GPC5: variants seen among roughly 807,000 people sequenced by gnomAD.
GPC5 encodes the protein glypican-5.
In GPC5, 47 loss-of-function variants were observed where a neutral mutation model predicts 53.9. That is an observed-to-expected ratio of 0.87 (90% CI 0.69 to 1.11). The LOEUF (loss-of-function observed/expected upper bound fraction) is 1.11, where lower values mean the gene tolerates loss of function less well. GPC5 is among the 50% of genes most tolerant of loss of function. The pLI, the probability that GPC5 is intolerant of heterozygous loss-of-function variation, is 0.00. For missense variants in GPC5, 748 were observed against 713.1 expected (o/e 1.05, Z -0.56); for synonymous variants, 286 against 263.3 (o/e 1.09, Z -0.84).
chr13:92,784,447 G>T (rs1030968802), intron 7 of GPC5, among the ~76,000 whole-genome samples: 9 of 151,314 alleles, frequency 5.9e-5, no homozygotes, highest in African/African-American at 2.2e-4. Context: ...TCCAGATATT[G>T]CAAAAAGATG....
intron 6 of GPC5, among the ~76,000 whole-genome samples, chr13:92,132,496 C>T (rs1206273543): frequency 6.6e-6 from 1 of 152,078 alleles, no homozygotes; most frequent in Non-Finnish European, 1.5e-5. Flanking sequence ...TTTCCTGAAT[C>T]TCTTGCAGGT....
chr13:92,663,678 CTATA>C (rs1027037089), intron 7 of GPC5, among the ~76,000 whole-genome samples: 5 of 138,152 alleles, frequency 3.6e-5, no homozygotes, highest in East Asian at 4.1e-4. Context: ...TATATATACA[CTATA>C]TATATCTACT....
intron 7 of GPC5, among the ~76,000 whole-genome samples, chr13:92,525,437 AGTGTGTGTGTGTGTGTGTGT>A (rs34946580): frequency 6.6e-5 from 9 of 136,676 alleles, no homozygotes; most frequent in Admixed American, 4.5e-4. Flanking sequence ...GATAGATTCA[AGTGTGTGTGTGTGTGTGTGT>A]GTGTGTGTGT....
At chr13:91,498,395 G>T (rs552017619) in intron 2 of GPC5, among the ~76,000 whole-genome samples, 12 of 152,168 alleles carry the variant, frequency 7.9e-5, no homozygotes, top group African/African-American at 2.9e-4. Context: ...GGAGAAAAAA[G>T]CAACCTGTCT....
chr13:91,656,035 C>T (rs559201362), intron 2 of GPC5, among the ~76,000 whole-genome samples: 16 of 152,250 alleles, frequency 1.1e-4, no homozygotes, highest in African/African-American at 3.6e-4. Flanking sequence ...AGAAATGCTT[C>T]CCATAGAGTC....
intron 7 of GPC5, among the ~76,000 whole-genome samples, chr13:92,410,179 T>C (rs1476005993): frequency 6.6e-6 from 1 of 152,072 alleles, no homozygotes; most frequent in Non-Finnish European, 1.5e-5. Flanking sequence ...AGAGAAGCAA[T>C]GTAGAGGGTT....
intron 2 of GPC5, among the ~76,000 whole-genome samples, chr13:91,491,196 C>G (rs963854484): frequency 6.6e-6 from 1 of 152,150 alleles, no homozygotes; most frequent in Admixed American, 6.6e-5. Flanking sequence ...GGCTAATACA[C>G]CATCTGTATA....
chr13:92,274,741 G>C (rs145781638), intron 7 of GPC5, among the ~76,000 whole-genome samples: 2 of 152,234 alleles, frequency 1.3e-5, no homozygotes, highest in African/African-American at 4.8e-5. Context: ...TCATCAAAGC[G>C]TATGGGCTGA....
At chr13:92,301,474 C>A (rs1238457563) in intron 7 of GPC5, among the ~76,000 whole-genome samples, 2 of 152,022 alleles carry the variant, frequency 1.3e-5, no homozygotes, top group African/African-American at 2.4e-5. Context: ...TGCAAAATAC[C>A]GACTCTTCAT....
intron 7 of GPC5, among the ~76,000 whole-genome samples, chr13:92,594,252 C>T (rs1033057105): frequency 4.6e-5 from 7 of 152,044 alleles, no homozygotes; most frequent in African/African-American, 1.7e-4. Flanking sequence ...AAGTAGCTAC[C>T]AGATACCACA....
chr13:91,722,333 A>C (rs1268601545), intron 3 of GPC5, among the ~76,000 whole-genome samples: 1 of 152,182 alleles, frequency 6.6e-6, no homozygotes, highest in African/African-American at 2.4e-5. Flanking sequence ...GTTTTCCATA[A>C]AAGACTAGAT....
chr13:91,830,845 A>AAT (rs553101503), intron 5 of GPC5, among the ~76,000 whole-genome samples: 1,965 of 127,940 alleles, frequency 0.015, 103 homozygotes, highest in African/African-American at 0.057. Context: ...TATTATATAT[A>AAT]ATATATATAT....
chr13:91,471,684 G>A (rs546895396), intron 2 of GPC5, among the ~76,000 whole-genome samples: 1 of 152,062 alleles, frequency 6.6e-6, no homozygotes, highest in Non-Finnish European at 1.5e-5. Flanking sequence ...TTTGTGGCTA[G>A]TACCTTGTTT....
chr13:92,352,062 T>G, intron 7 of GPC5, among the ~76,000 whole-genome samples: 1 of 152,164 alleles, frequency 6.6e-6, no homozygotes, highest in African/African-American at 2.4e-5. Flanking sequence ...GACTTAACTC[T>G]TGAGCTTTGG....
At chr13:91,485,212 C>G (rs953216989) in intron 2 of GPC5, among the ~76,000 whole-genome samples, 2 of 113,306 alleles carry the variant, frequency 1.8e-5, no homozygotes, top group Non-Finnish European at 3.7e-5. Context: ...AATCTTGGTC[C>G]CTTTTTTTTT....
At position 92,157,932 on chromosome 13, in the gene GPC5, A is replaced by T. The variant is rs186185459; in HGVS notation, c.1561+12943A>T. ...TAAATTACAGTCTAGAAAGGGAAATAGGTATATCAGTAAATACATTAAAAT... is the reference window on the plus strand; with the variant it reads ...TAAATTACAGTCTAGAAAGGGAAATTGGTATATCAGTAAATACATTAAAAT... On this transcript the variant is annotated intron_variant, in intron 7 of 7. Coordinates refer to ENST00000377067, the MANE Select transcript of GPC5 (RefSeq NM_004466.6). 7.2e-5 allele frequency among the ~76,000 whole-genome samples: 11 copies of T among 152,344 alleles called. No individual in the cohort carries two copies. The East Asian group carries it at 2.1e-3, about 29-fold the overall frequency.
At chr13:91,831,411 C>G (rs1308015631) in intron 5 of GPC5, among the ~76,000 whole-genome samples, 4 of 151,956 alleles carry the variant, frequency 2.6e-5, no homozygotes, top group Non-Finnish European at 4.4e-5. Flanking sequence ...ATGTTAATCT[C>G]TTTTGGCAAC....
At chr13:92,155,989 CTTATT>C (rs1376012117) in intron 7 of GPC5, among the ~76,000 whole-genome samples, 2 of 152,038 alleles carry the variant, frequency 1.3e-5, no homozygotes, top group African/African-American at 4.8e-5. Context: ...ACATTTGTTG[CTTATT>C]TTATGTTAAT....
At chr13:91,906,808 G>T (rs2039557423) in intron 5 of GPC5, among the ~76,000 whole-genome samples, 1 of 151,900 alleles carries the variant, frequency 6.6e-6, no homozygotes, top group African/African-American at 2.4e-5. Flanking sequence ...CCGGTGAAAT[G>T]ACCCTTTTAC....
Sources: gnomAD v4.1 joint callset for allele counts (sites outside exome capture counted in the v4.1 genomes callset) on GRCh38, gnomAD v4.1.1 for gene constraint, MANE v1.5 for transcripts, NCBI Gene and HGNC (gene_info 2026-07-23, HGNC 2026-07-21) for gene names.